Variants in BCR observed in about 807,000 individuals in gnomAD.
The protein encoded by BCR is BCR activator of RhoGEF and GTPase.
BCR carries 58 observed loss-of-function variants against 138.6 expected under a neutral mutation model. The ratio of observed to expected loss-of-function variants is 0.42; its 90% CI spans 0.34 to 0.52. The LOEUF is 0.52. Among genes scored for constraint, BCR ranks in the 20% least tolerant of loss-of-function variants. The pLI is 0.06. For missense variants in BCR, 1,599 were observed against 1,727.2 expected, an observed-to-expected ratio of 0.93 and a Z score of 1.32; for synonymous variants, 786 against 730.1, an observed-to-expected ratio of 1.08 and a Z score of -1.23.
intron 1 of BCR, among the ~76,000 whole-genome samples, chr22:23,233,844 C>T (rs1267503014): frequency 6.6e-6 from 1 of 151,376 alleles, no homozygotes; most frequent in Non-Finnish European, 1.5e-5. Flanking sequence ...GGTGACTTCA[C>T]CTGCCCAGGG....
In BCR at chr22:23,266,757, C is replaced by T. The variant is rs145485922; in HGVS notation, c.1753-1651C>T. 4.0e-3 allele frequency among the ~76,000 whole-genome samples: 613 copies of T among 152,340 alleles called. 9 individuals are homozygous for T. Among genetic ancestry groups the T allele is most frequent in the African/African-American group, 0.014 (579 of 41,572 alleles). On this transcript the variant is annotated intron_variant, in intron 4 of 22. Coordinates refer to ENST00000305877, the MANE Select transcript of BCR (RefSeq NM_004327.4). ...TCCTCAGGAATAGCCTCACGTTCTGCGTAACAGCACCACAGCAGCGAGGCT... is the reference window on the plus strand; with the variant it reads ...TCCTCAGGAATAGCCTCACGTTCTGTGTAACAGCACCACAGCAGCGAGGCT...
chr22:23,220,267 C>T (rs888460616), intron 1 of BCR, among the ~76,000 whole-genome samples: 1 of 152,208 alleles, frequency 6.6e-6, no homozygotes, highest in Non-Finnish European at 1.5e-5. Flanking sequence ...TTTCACCTAC[C>T]GTCCATGGGA....
chr22:23,305,079 A>G (rs1484358458), intron 16 of BCR, among the ~76,000 whole-genome samples: 1 of 150,776 alleles, frequency 6.6e-6, no homozygotes, highest in Non-Finnish European at 1.5e-5. Flanking sequence ...TCGCCACTGC[A>G]CTCCAGCCTG....
At chr22:23,203,444 T>C (rs1460692803) in intron 1 of BCR, among the ~76,000 whole-genome samples, 4 of 152,154 alleles carry the variant, frequency 2.6e-5, no homozygotes, top group Non-Finnish European at 5.9e-5. Context: ...AAATCCAAAA[T>C]TGTGATGTGG....
intron 1 of BCR, chr22:23,250,990 A>C (rs2073220073): frequency 6.6e-6 from 1 of 152,088 alleles, no homozygotes; most frequent in Non-Finnish European, 1.5e-5. Flanking sequence ...AGCGTTAATA[A>C]CCAACATAGC....
intron 10 of BCR, among the ~76,000 whole-genome samples, chr22:23,286,402 G>A (rs2146302395): frequency 6.6e-6 from 1 of 152,318 alleles, no homozygotes; most frequent in African/African-American, 2.4e-5. Flanking sequence ...CCAGCCTGCT[G>A]TACCCAAACC....
chr22:23,298,524 CCCTT>C (rs1031571240), intron 16 of BCR, among the ~76,000 whole-genome samples: 15 of 148,724 alleles, frequency 1.0e-4, no homozygotes, highest in Admixed American at 8.0e-4. Context: ...ACTTTTCCTT[CCCTT>C]CCTTCCTTCC....
At chr22:23,231,070 C>T (rs1034030834) in intron 1 of BCR, among the ~76,000 whole-genome samples, 5 of 152,156 alleles carry the variant, frequency 3.3e-5, no homozygotes, top group Non-Finnish European at 7.3e-5. Flanking sequence ...CCTTATAGTG[C>T]TGTGTTGGGA....
chr22:23,247,064 C>A (rs1479160804), intron 1 of BCR, among the ~76,000 whole-genome samples: 2 of 152,188 alleles, frequency 1.3e-5, no homozygotes, highest in Non-Finnish European at 2.9e-5. Context: ...CCAAGCCTCT[C>A]TGGAGGACAG....
At chr22:23,198,722 G>T (rs1249549079) in intron 1 of BCR, among the ~76,000 whole-genome samples, 1 of 152,168 alleles carries the variant, frequency 6.6e-6, no homozygotes, top group Admixed American at 6.5e-5. Flanking sequence ...GGACTGCTAT[G>T]CACCGGGCCG....
rs1363798613 is a variant in BCR at position 23,254,622 on chromosome 22, G to A, written c.1461+642G>A. 1.3e-4 allele frequency: 68 copies of A among 518,656 alleles called. 2 individuals are homozygous for A. Among genetic ancestry groups the A allele is most frequent in the South Asian group, 8.1e-4 (58 of 71,526 alleles). The allele number at this position is 518,656 out of a possible 1,614,324, so 32.1% of individuals were successfully genotyped here. ...GGCTGGTTGCAGGCTGGATGGTGCT[G>A]GACCGCCCGGCCCTGCATGAAGTTC... On this transcript the variant is annotated intron_variant, in intron 2 of 22. Coordinates refer to ENST00000305877, the MANE Select transcript of BCR (RefSeq NM_004327.4).
chr22:23,315,216 C>A (rs2074055826), intron 22 of BCR, among the ~76,000 whole-genome samples: 1 of 151,834 alleles, frequency 6.6e-6, no homozygotes, highest in Non-Finnish European at 1.5e-5. Context: ...AGAGCAAGGC[C>A]CTGTGCATCT....
intron 6 of BCR, 104 bp from the exon 7 acceptor site, chr22:23,272,977 G>A: frequency 7.8e-7 from 1 of 1,289,988 alleles, no homozygotes; most frequent in Non-Finnish European, 1.1e-6. Flanking sequence ...GGCCTGTGGA[G>A]GCTGGGGCAG....
At chr22:23,219,719 C>T (rs1457130266) in intron 1 of BCR, among the ~76,000 whole-genome samples, 1 of 152,200 alleles carries the variant, frequency 6.6e-6, no homozygotes, top group Middle Eastern at 3.2e-3. Context: ...CCTGCACCCC[C>T]TCTCCTTGCC....
At chr22:23,224,785 G>C (rs952447245) in intron 1 of BCR, among the ~76,000 whole-genome samples, 1 of 152,150 alleles carries the variant, frequency 6.6e-6, no homozygotes, top group South Asian at 2.1e-4. Flanking sequence ...GGGAGGCTGA[G>C]TCAGGATAAT....
At chr22:23,209,088 G>A (rs934291872) in intron 1 of BCR, among the ~76,000 whole-genome samples, 4 of 151,728 alleles carry the variant, frequency 2.6e-5, no homozygotes, top group Admixed American at 6.6e-5. Flanking sequence ...AGCCGGGCGC[G>A]GTGGCTCACG....
In BCR at chr22:23,305,153, A is replaced by T. The variant is rs1042006003; in HGVS notation, c.3013-4271A>T. 4.7e-4 allele frequency among the ~76,000 whole-genome samples: 71 copies of T among 150,592 alleles called. 1 individual carries two copies. Among genetic ancestry groups the T allele is most frequent in the Non-Finnish European group, 8.9e-4 (60 of 67,782 alleles). ...AAAGGTGCAGGATGGATCTCAGGAG[A>T]GCAGATTGTGGTCATAGACTACAGC... On this transcript the variant is annotated intron_variant, in intron 16 of 22. Transcript: ENST00000305877.
chr22:23,183,606 G>A (rs1330358111), intron 1 of BCR, among the ~76,000 whole-genome samples: 1 of 152,238 alleles, frequency 6.6e-6, no homozygotes, highest in African/African-American at 2.4e-5. Flanking sequence ...ACATCAGCTC[G>A]TTCGGGGTCT....
At chr22:23,265,807 C>T (rs970715736) in intron 4 of BCR, among the ~76,000 whole-genome samples, 1 of 152,152 alleles carries the variant, frequency 6.6e-6, no homozygotes, top group Non-Finnish European at 1.5e-5. Context: ...AAGTTTTCCC[C>T]CTGAATACTT....
Sources: allele counts gnomAD v4.1 joint callset (sites outside exome capture counted in the v4.1 genomes callset), GRCh38; gene constraint gnomAD v4.1.1; transcripts MANE v1.5; gene names NCBI Gene and HGNC (gene_info 2026-07-23, HGNC 2026-07-21).